POGZ: variants seen among roughly 807,000 people sequenced by gnomAD.
POGZ encodes the protein pogo transposable element with ZNF domain.
POGZ carries 17 observed loss-of-function variants against 134.6 expected under a neutral mutation model. That is an observed-to-expected ratio of 0.13 (90% CI 0.09 to 0.19). The LOEUF (loss-of-function observed/expected upper bound fraction) is 0.19, where lower values mean the gene tolerates loss of function less well. POGZ is among the 10% of genes least tolerant of loss of function. The pLI, the probability that POGZ is intolerant of heterozygous loss-of-function variation, is 1.00. For synonymous variants in POGZ, 693 were observed against 657.1 expected (o/e 1.05, Z -0.84); for missense variants, 1,306 against 1,769.7 (o/e 0.74, Z 4.70).
rs1368237187 is a variant in POGZ, at chr1:151,406,334, G to A, written c.2701C>T (p.Leu901=). Residue 901 remains leucine, a synonymous_variant, in exon 19 of 19, where the codon CTA becomes TTA. Transcript: ENST00000271715. ...GGGAGTGCTGGGGCTAAGGGAGTTA[G>A]TAGCTCTTCAGGCTCAGCTGGGGTG... ...GATPAEPEEL[L]TPLAPALPSP... is the part of the protein sequence containing the mutation. 1 of 1,607,354 alleles carries A rather than the reference G, an allele frequency of 6.2e-7. No homozygotes were observed. Among genetic ancestry groups the A allele is most frequent in the Non-Finnish European group, 8.5e-7 (1 of 1,176,692 alleles).
chr1:151,404,103 G>A lies in POGZ; in HGVS notation c.*699C>T. The A allele has an allele frequency of 1.0e-6, 1 of 985,470 alleles. No homozygotes were observed. The highest frequency in any genetic ancestry group is 4.7e-5 in the South Asian group (1 of 21,286). 61.0% of individuals were successfully genotyped at this position (985,470 alleles called of 1,614,324 possible). The stretch of plus-strand genomic sequence containing the variant: ...ATCTATTCATTCTGGATAATTAAAG[G>A]TGGTTTCATGCATTTTTAAAGCCAC... On this transcript the variant is annotated 3_prime_UTR_variant, in exon 19 of 19. Coordinates refer to ENST00000271715, the MANE Select transcript of POGZ (RefSeq NM_015100.4).
Position 151,423,561 on chromosome 1 carries a change from A to C in POGZ, c.1524-10T>G, listed in dbSNP as rs2274534. The C allele has an allele frequency of 0.76, 1,213,119 of 1,594,782 alleles. 481,129 individuals carry two copies. The highest frequency in any genetic ancestry group is 0.83 in the Non-Finnish European group (965,558 of 1,169,734). ...CATATGGTTCATGAATCTGTAATAA[A>C]GCACAAAGAGAAAGTACAGAAAACA... On this transcript the variant is annotated splice_polypyrimidine_tract_variant and intron_variant, in intron 9 of 18. Transcript: ENST00000271715.
At chr1:151,452,075 C>A (rs1571589374) in intron 1 of POGZ, among the ~76,000 whole-genome samples, 1 of 113,058 alleles carries the variant, frequency 8.8e-6, no homozygotes, top group Non-Finnish European at 1.7e-5. Flanking sequence ...CCAGCCTGGG[C>A]AACAAGAGCA....
At chr1:151,457,244 C>A (rs2102443750) in intron 1 of POGZ, among the ~76,000 whole-genome samples, 1 of 152,302 alleles carries the variant, frequency 6.6e-6, no homozygotes, top group Non-Finnish European at 1.5e-5. Context: ...ACCAACACAG[C>A]TCTGGAAAAG....
chr1:151,419,457 G>T (rs1656450883), intron 10 of POGZ, among the ~76,000 whole-genome samples: 1 of 151,746 alleles, frequency 6.6e-6, no homozygotes, highest in African/African-American at 2.4e-5. Flanking sequence ...AGACCAGCCT[G>T]GGCAGCATGG....
intron 12 of POGZ, among the ~76,000 whole-genome samples, chr1:151,409,979 TGGTA>T (rs1654383970): frequency 6.6e-6 from 1 of 152,198 alleles, no homozygotes; most frequent in South Asian, 2.1e-4. Flanking sequence ...AATACAGTTG[TGGTA>T]GACAATCAGC....
chr1:151,421,857 A>C (rs1656979632), intron 10 of POGZ, among the ~76,000 whole-genome samples: 1 of 152,140 alleles, frequency 6.6e-6, no homozygotes, highest in Non-Finnish European at 1.5e-5. Context: ...GGATCAAGTG[A>C]TTCTCATGCC....
At chr1:151,449,105 A>G (rs1388961048) in intron 1 of POGZ, among the ~76,000 whole-genome samples, 2 of 152,180 alleles carry the variant, frequency 1.3e-5, no homozygotes, top group African/African-American at 4.8e-5. Context: ...ACCTTCAATT[A>G]AATTCCCAAT....
chr1:151,419,481 C>T (rs1023672869), intron 10 of POGZ, among the ~76,000 whole-genome samples: 7 of 151,632 alleles, frequency 4.6e-5, no homozygotes, highest in African/African-American at 7.3e-5. Context: ...AACCCTATCT[C>T]TACAAAAAAC....
chr1:151,421,737 T>C (rs1656956112), intron 10 of POGZ, among the ~76,000 whole-genome samples: 1 of 152,188 alleles, frequency 6.6e-6, no homozygotes, highest in South Asian at 2.1e-4. Context: ...AGTTAAATGA[T>C]ATAACAGATA....
At chr1:151,415,670 CAAAAAAAA>C (rs749459920) in intron 10 of POGZ, among the ~76,000 whole-genome samples, 1 of 54,280 alleles carries the variant, frequency 1.8e-5, no homozygotes, top group African/African-American at 5.6e-5. Context: ...GACTCCGTCT[CAAAAAAAA>C]AAAAAAAAAA....
At chr1:151,448,528 C>G (rs1325519964) in intron 1 of POGZ, among the ~76,000 whole-genome samples, 1 of 151,856 alleles carries the variant, frequency 6.6e-6, no homozygotes, top group Non-Finnish European at 1.5e-5. Context: ...ACAAAGAGGA[C>G]ACATTTAGTT....
rs559685284 is a variant in POGZ, at chr1:151,432,005, C to T, written c.284-1164G>A. ...CCAACACAGCAAAACGCTGTCTCCACTAAAAATACAACAATTAGCCAGGCA... is the reference window on the plus strand; with the variant it reads ...CCAACACAGCAAAACGCTGTCTCCATTAAAAATACAACAATTAGCCAGGCA... On this transcript the variant is annotated intron_variant, in intron 3 of 18. Coordinates refer to ENST00000271715, the MANE Select transcript of POGZ (RefSeq NM_015100.4). 1.0e-3 allele frequency among the ~76,000 whole-genome samples: 155 copies of T among 152,048 alleles called. 5 individuals carry two copies. The South Asian group carries it at 0.031, about 30-fold the overall frequency.
At chr1:151,422,318 C>G (rs1476868371) in intron 10 of POGZ, among the ~76,000 whole-genome samples, 1 of 152,160 alleles carries the variant, frequency 6.6e-6, no homozygotes, top group East Asian at 1.9e-4. Flanking sequence ...CTTGTTCTCA[C>G]ATTTTCCTAT....
At chr1:151,426,143 C>T (rs1657725727) in intron 7 of POGZ, 1 of 151,210 alleles carries the variant, frequency 6.6e-6, no homozygotes, top group South Asian at 2.1e-4. Flanking sequence ...TTGGCAATAA[C>T]TTTCTTTGGA....
In POGZ at chr1:151,445,375, A is replaced by G. The variant is rs988911102; in HGVS notation, c.-1-3170T>C. On this transcript the variant is annotated intron_variant, in intron 1 of 18. Coordinates refer to ENST00000271715, the MANE Select transcript of POGZ (RefSeq NM_015100.4). Reference sequence around the variant, plus strand: ...CACCTCTACTAAAAATACAAAAATTAGCCGGACATGGTGGCACACGCCTGT... The same window carrying G: ...CACCTCTACTAAAAATACAAAAATTGGCCGGACATGGTGGCACACGCCTGT... 4.6e-5 allele frequency among the ~76,000 whole-genome samples: 7 copies of G among 152,168 alleles called. No homozygotes were observed. In the East Asian group the frequency reaches 1.4e-3, roughly 29 times the overall value.
intron 10 of POGZ, among the ~76,000 whole-genome samples, chr1:151,419,810 T>C (rs961146278): frequency 1.3e-5 from 2 of 151,542 alleles, no homozygotes; most frequent in Admixed American, 6.6e-5. Flanking sequence ...AATCTTGTCA[T>C]AAGAGACTCA....
intron 5 of POGZ, 167 bp downstream of exon 5, chr1:151,429,436 C>G (rs976289979): frequency 1.2e-5 from 5 of 401,356 alleles, no homozygotes; most frequent in Non-Finnish European, 2.2e-5. Flanking sequence ...ACCACCCTGG[C>G]CAAAGGTTAG....
At chr1:151,408,880 A>G in intron 12 of POGZ, 52 bp from the exon 13 acceptor site, 1 of 1,561,598 alleles carries the variant, frequency 6.4e-7, no homozygotes, top group Non-Finnish European at 8.7e-7. Context: ...GGTTCCTAAT[A>G]AATTTTCTTT....
Sources: gnomAD v4.1 joint callset for allele counts (sites outside exome capture counted in the v4.1 genomes callset) on GRCh38, gnomAD v4.1.1 for gene constraint, MANE v1.5 for transcripts, NCBI Gene and HGNC (gene_info 2026-07-23, HGNC 2026-07-21) for gene names.